Variants in IRAK2 observed in about 807,000 individuals in gnomAD.
The protein encoded by IRAK2 is interleukin-1 receptor-associated kinase-like 2.
Under a neutral mutation model 72.0 loss-of-function variants are expected in IRAK2, and 57 were observed. That is an observed-to-expected ratio of 0.79 (90% CI 0.64 to 0.99). IRAK2 has a LOEUF of 0.99. Ranked by LOEUF, IRAK2 falls within the 50% of genes least tolerant of loss-of-function variation. The pLI is 0.00. For missense variants in IRAK2, 790 were observed against 794.4 expected, an observed-to-expected ratio of 0.99 and a Z score of 0.07; for synonymous variants, 293 against 312.7, an observed-to-expected ratio of 0.94 and a Z score of 0.67.
intron 9 of IRAK2, among the ~76,000 whole-genome samples, chr3:10,225,471 C>T (rs1010812252): frequency 6.6e-6 from 1 of 152,174 alleles, no homozygotes; most frequent in African/African-American, 2.4e-5. Flanking sequence ...TTTATGAAGA[C>T]ATATATCATG....
chr3:10,234,946 C>T (rs189421667), intron 11 of IRAK2, among the ~76,000 whole-genome samples: 1 of 152,244 alleles, frequency 6.6e-6, no homozygotes, highest in Non-Finnish European at 1.5e-5. Context: ...CTATAGGCCC[C>T]TTCCCCTTTC....
chr3:10,187,135 G>A (rs1166279844), intron 2 of IRAK2, among the ~76,000 whole-genome samples: 1 of 151,326 alleles, frequency 6.6e-6, no homozygotes, highest in Non-Finnish European at 1.5e-5. Context: ...TCAGATTAGG[G>A]TGACTCCAAC....
chr3:10,165,658 C>T (rs1696672194), intron 1 of IRAK2, among the ~76,000 whole-genome samples: 1 of 144,080 alleles, frequency 6.9e-6, no homozygotes, highest in Non-Finnish European at 1.5e-5. Flanking sequence ...ACCACCCTGG[C>T]TAATTTTTTG....
At chr3:10,185,417 C>T (rs1037803891) in intron 2 of IRAK2, among the ~76,000 whole-genome samples, 8 of 150,584 alleles carry the variant, frequency 5.3e-5, no homozygotes, top group East Asian at 2.0e-4. Context: ...ATTAGCCGGG[C>T]GTGGTGGTGC....
intron 2 of IRAK2, among the ~76,000 whole-genome samples, chr3:10,193,756 G>T (rs1177283104): frequency 6.6e-6 from 1 of 152,240 alleles, no homozygotes; most frequent in Non-Finnish European, 1.5e-5. Flanking sequence ...GGGGGTCCCA[G>T]CAGGGAGAAC....
chr3:10,220,660 C>G (rs562229990), intron 8 of IRAK2, among the ~76,000 whole-genome samples: 1 of 152,068 alleles, frequency 6.6e-6, no homozygotes, highest in Non-Finnish European at 1.5e-5. Context: ...AGGCTAGTGT[C>G]GAACTCCTGA....
chr3:10,233,816 G>A (rs1697905799), intron 10 of IRAK2, among the ~76,000 whole-genome samples: 1 of 152,146 alleles, frequency 6.6e-6, no homozygotes, highest in Non-Finnish European at 1.5e-5. Context: ...TAGGTGCACT[G>A]TTTCATTGAA....
intron 10 of IRAK2, among the ~76,000 whole-genome samples, chr3:10,232,761 T>TA (rs34733213): frequency 2.8e-4 from 43 of 151,106 alleles, no homozygotes; most frequent in Non-Finnish European, 5.8e-4. Flanking sequence ...TAGTACACTT[T>TA]AAAAAAAAAA....
intron 2 of IRAK2, among the ~76,000 whole-genome samples, chr3:10,180,020 G>C (rs1209262800): frequency 1.3e-5 from 2 of 152,200 alleles, no homozygotes; most frequent in East Asian, 1.9e-4. Context: ...TTGATATTTA[G>C]TATTAACAAA....
At position 10,196,661 on chromosome 3, in the gene IRAK2, G is replaced by A. The variant is rs575476333; in HGVS notation, c.278-3708G>A. Among the ~76,000 whole-genome samples, 160 of 152,330 alleles carry A rather than the reference G, an allele frequency of 1.1e-3. 1 individual carries two copies. The highest frequency in any genetic ancestry group is 3.5e-3 in the African/African-American group (144 of 41,582). On this transcript the variant is annotated intron_variant, in intron 2 of 12. Transcript: ENST00000256458. ...GTGCATGTTCTCTGGGTGCCCTTAC[G>A]TCAGTGGTTCTGGGAGGAGACCCCG...
At chr3:10,235,262 C>T (rs1327593662) in intron 11 of IRAK2, among the ~76,000 whole-genome samples, 1 of 151,838 alleles carries the variant, frequency 6.6e-6, no homozygotes, top group African/African-American at 2.4e-5. Flanking sequence ...GAGAAGTAGC[C>T]GTGGCTTCCA....
chr3:10,220,361 C>G (rs749974665), intron 8 of IRAK2, among the ~76,000 whole-genome samples: 1 of 152,186 alleles, frequency 6.6e-6, no homozygotes, highest in Admixed American at 6.5e-5. Context: ...AGAACTGGCT[C>G]CAGAGACACA....
chr3:10,211,265 C>A (rs1697513836), intron 4 of IRAK2, among the ~76,000 whole-genome samples: 1 of 152,080 alleles, frequency 6.6e-6, no homozygotes, highest in South Asian at 2.1e-4. Context: ...CCTCAGCCTC[C>A]TGAGTATCCG....
At chr3:10,212,889 C>T (rs7635586) in intron 4 of IRAK2, among the ~76,000 whole-genome samples, 3,259 of 151,956 alleles carry the variant, frequency 0.021, 110 homozygotes, top group African/African-American at 0.076. Context: ...CTCAGCCTCC[C>T]GAGTAGCTGG....
intron 10 of IRAK2, among the ~76,000 whole-genome samples, chr3:10,234,062 CCT>C (rs1697909840): frequency 6.6e-6 from 1 of 152,076 alleles, no homozygotes; most frequent in East Asian, 1.9e-4. Flanking sequence ...GGGGTTTCGC[CCT>C]GTTGGCCAGG....
At chr3:10,200,662 T>C in intron 3 of IRAK2, 147 bp downstream of exon 3, 2 of 601,168 alleles carry the variant, frequency 3.3e-6, no homozygotes, top group South Asian at 6.9e-5. Context: ...TCCGTGAGGC[T>C]GAGGCGGGAG....
intron 11 of IRAK2, among the ~76,000 whole-genome samples, chr3:10,237,074 T>C (rs1407193210): frequency 6.6e-6 from 1 of 152,240 alleles, no homozygotes; most frequent in East Asian, 1.9e-4. Flanking sequence ...CCCTTTCTTT[T>C]AAAGATATAA....
At chr3:10,223,444 A>T (rs1484063330) in intron 9 of IRAK2, among the ~76,000 whole-genome samples, 1 of 152,144 alleles carries the variant, frequency 6.6e-6, no homozygotes, top group Admixed American at 6.5e-5. Context: ...CATGGTCTGC[A>T]TGTAGCAGTC....
chr3:10,179,066 G>C (rs749075343), intron 2 of IRAK2, among the ~76,000 whole-genome samples: 7 of 152,122 alleles, frequency 4.6e-5, no homozygotes, highest in Non-Finnish European at 8.8e-5. Flanking sequence ...TTGCAGGCAT[G>C]AGTCACATCA....
Sources: allele counts gnomAD v4.1 joint callset (sites outside exome capture counted in the v4.1 genomes callset), GRCh38; gene constraint gnomAD v4.1.1; transcripts MANE v1.5; gene names NCBI Gene and HGNC (gene_info 2026-07-23, HGNC 2026-07-21).